The following PAFAH1B1 variants were observed in gnomAD, a reference collection of about 807,000 sequenced individuals.
PAFAH1B1 encodes the protein platelet-activating factor acetylhydrolase IB subunit beta.
PAFAH1B1 carries 2 observed loss-of-function variants against 57.5 expected under a neutral mutation model. That is an observed-to-expected ratio of 0.03 (90% CI 0.01 to 0.11). The LOEUF (loss-of-function observed/expected upper bound fraction) is 0.11, where lower values mean the gene tolerates loss of function less well. PAFAH1B1 is among the 10% of genes least tolerant of loss of function. The pLI, the probability that PAFAH1B1 is intolerant of heterozygous loss-of-function variation, is 1.00. For synonymous variants in PAFAH1B1, 152 were observed against 169.6 expected (o/e 0.90, Z 0.81); for missense variants, 257 against 512.0 (o/e 0.50, Z 4.81).
chr17:2,623,224 A>G (rs180693934), intron 1 of PAFAH1B1, among the ~76,000 whole-genome samples: 171 of 149,978 alleles, frequency 1.1e-3, no homozygotes, highest in African/African-American at 4.1e-3. Context: ...TTCTGCAGCC[A>G]GCTTGAATTT....
rs1262391411 is a variant in PAFAH1B1, at chr17:2,679,482, ATGGATGGATGGATGGATGAT to A, written c.1003-663_1003-644del. The stretch of plus-strand genomic sequence containing the variant: ...ATTGGATGGATGGATGGATGATTGG[ATGGATGGATGGATGGATGAT>A]TGGATGGATGGATGGATGGATGATT... On this transcript the variant is annotated intron_variant, in intron 9 of 10. Coordinates refer to ENST00000397195, the MANE Select transcript of PAFAH1B1 (RefSeq NM_000430.4). Among the ~76,000 whole-genome samples the A allele has an allele frequency of 0.017, 100 of 5,764 alleles. No individual in the cohort carries two copies. In the East Asian group the frequency reaches 0.27, roughly 16 times the overall value. 3.8% of individuals were successfully genotyped at this position (5,764 alleles called of 152,430 possible). A position where few individuals can be genotyped will look rare whatever the true frequency, so the allele number is the denominator to read the frequency against.
chr17:2,639,618 A>G (rs1490977558), intron 2 of PAFAH1B1: 2 of 150,658 alleles, frequency 1.3e-5, no homozygotes, highest in Non-Finnish European at 3.0e-5. Flanking sequence ...TTTTTTTGAG[A>G]TGGAGTCTTG....
In PAFAH1B1 at chr17:2,643,903, C is replaced by T. The variant is rs554988558; in HGVS notation, c.32+5583C>T. On this transcript the variant is annotated intron_variant, in intron 2 of 10. Coordinates refer to ENST00000397195, the MANE Select transcript of PAFAH1B1 (RefSeq NM_000430.4). ...ATGTTGTTAAAGACAGATTCAACCC[C>T]TTTCGCCCAGGCTGGAGTACAGTGG... Among the ~76,000 whole-genome samples the T allele has an allele frequency of 2.6e-5, 4 of 152,168 alleles. No homozygotes were observed. The South Asian group carries it at 8.3e-4, about 32-fold the overall frequency.
At chr17:2,645,600 T>C (rs983263892) in intron 2 of PAFAH1B1, among the ~76,000 whole-genome samples, 39 of 144,508 alleles carry the variant, frequency 2.7e-4, no homozygotes, top group African/African-American at 9.8e-4. Context: ...CTCAAAAATA[T>C]ATATATTTAT....
At chr17:2,668,076 G>A (rs1050912628) in intron 5 of PAFAH1B1, among the ~76,000 whole-genome samples, 2 of 152,064 alleles carry the variant, frequency 1.3e-5, no homozygotes, top group Admixed American at 1.3e-4. Flanking sequence ...TGTAATCCCA[G>A]CACTTTGGGA....
intron 1 of PAFAH1B1, among the ~76,000 whole-genome samples, chr17:2,605,958 G>A (rs1238856097): frequency 6.6e-6 from 1 of 152,150 alleles, no homozygotes; most frequent in Non-Finnish European, 1.5e-5. Context: ...TTGGACACTA[G>A]GGAAGCAAAG....
intron 1 of PAFAH1B1, chr17:2,609,414 T>C (rs978401495): frequency 1.3e-5 from 2 of 152,240 alleles, no homozygotes; most frequent in African/African-American, 4.8e-5. Flanking sequence ...GGTGGACAGA[T>C]ACTTCTCTAT....
chr17:2,680,031 T>C, intron 9 of PAFAH1B1, 133 bp from the exon 10 acceptor site: 1 of 835,760 alleles, frequency 1.2e-6, no homozygotes, highest in Non-Finnish European at 2.0e-6. Flanking sequence ...TCCTTTAATC[T>C]AGAATCCCCT....
intron 2 of PAFAH1B1, among the ~76,000 whole-genome samples, chr17:2,642,899 C>T (rs576354084): frequency 6.6e-6 from 1 of 152,010 alleles, no homozygotes. Flanking sequence ...ATATATAAAC[C>T]ATTATCTATA....
At chr17:2,651,110 A>G (rs763984247) in intron 2 of PAFAH1B1, among the ~76,000 whole-genome samples, 1 of 152,114 alleles carries the variant, frequency 6.6e-6, no homozygotes, top group Non-Finnish European at 1.5e-5. Context: ...TATGCAAGAA[A>G]GGGATCGAAG....
intron 2 of PAFAH1B1, among the ~76,000 whole-genome samples, chr17:2,652,389 T>C (rs776187445): frequency 2.0e-5 from 3 of 152,256 alleles, no homozygotes; most frequent in Non-Finnish European, 4.4e-5. Context: ...CACTCCAGCC[T>C]GGGCGGCAGA....
At chr17:2,637,649 T>A (rs1291031721) in intron 1 of PAFAH1B1, among the ~76,000 whole-genome samples, 1 of 152,210 alleles carries the variant, frequency 6.6e-6, no homozygotes, top group Admixed American at 6.5e-5. Flanking sequence ...AGGTTATTGG[T>A]GACTAACACT....
intron 1 of PAFAH1B1, among the ~76,000 whole-genome samples, chr17:2,617,152 G>C (rs888077339): frequency 5.9e-5 from 9 of 152,146 alleles, no homozygotes; most frequent in African/African-American, 2.2e-4. Context: ...ATCTAAGTCT[G>C]ATTGATTTCA....
At chr17:2,654,704 C>T (rs1282838995) in intron 2 of PAFAH1B1, among the ~76,000 whole-genome samples, 2 of 152,102 alleles carry the variant, frequency 1.3e-5, no homozygotes, top group East Asian at 3.9e-4. Flanking sequence ...TGCAGTGGCT[C>T]AATCTCAGTT....
At chr17:2,679,897 A>T in intron 9 of PAFAH1B1, 1 of 457,090 alleles carries the variant, frequency 2.2e-6, no homozygotes, top group Non-Finnish European at 4.0e-6. Flanking sequence ...TTGATAGACT[A>T]CATATTGAGA....
At chr17:2,639,449 G>A (rs1389961723) in intron 2 of PAFAH1B1, 4 of 152,122 alleles carry the variant, frequency 2.6e-5, no homozygotes, top group Admixed American at 1.3e-4. Flanking sequence ...TGAGAGAGGT[G>A]TGAAATGGTT....
At chr17:2,630,400 T>G (rs2068540802) in intron 1 of PAFAH1B1, among the ~76,000 whole-genome samples, 2 of 152,212 alleles carry the variant, frequency 1.3e-5, no homozygotes, top group Non-Finnish European at 1.5e-5. Context: ...AATTCTTGGC[T>G]GATAATTGTT....
At chr17:2,636,189 T>G (rs74463307) in intron 1 of PAFAH1B1, among the ~76,000 whole-genome samples, 1 of 152,174 alleles carries the variant, frequency 6.6e-6, no homozygotes, top group African/African-American at 2.4e-5. Flanking sequence ...TTTACTGGCT[T>G]GTCTGTTGTG....
intron 1 of PAFAH1B1, among the ~76,000 whole-genome samples, chr17:2,601,283 T>C (rs2068140997): frequency 6.6e-6 from 1 of 151,804 alleles, no homozygotes; most frequent in African/African-American, 2.4e-5. Flanking sequence ...TACAGGCATC[T>C]GTTACCCTGC....
Sources: gnomAD v4.1 joint callset for allele counts (sites outside exome capture counted in the v4.1 genomes callset) on GRCh38, gnomAD v4.1.1 for gene constraint, MANE v1.5 for transcripts, NCBI Gene and HGNC (gene_info 2026-07-23, HGNC 2026-07-21) for gene names.